ACAT2: variants seen among roughly 807,000 people sequenced by gnomAD.
ACAT2 encodes acetyl-CoA acetyltransferase 2.
A neutral mutation model predicts 37.1 loss-of-function variants in ACAT2; 26 were observed. That is an observed-to-expected ratio of 0.70 (90% CI 0.51 to 0.97). The LOEUF is 0.97. Among genes scored for constraint, ACAT2 ranks in the 50% least tolerant of loss-of-function variants. The pLI, the probability that ACAT2 is intolerant of heterozygous loss-of-function variation, is 0.00. For missense variants in ACAT2, 468 were observed against 489.0 expected (o/e 0.96, Z 0.40); for synonymous variants, 156 against 163.6 (o/e 0.95, Z 0.35).
At chr6:159,762,766 T>C (rs774807448) in intron 1 of ACAT2, 153 bp from the exon 2 acceptor site, 2 of 1,586,792 alleles carry the variant, frequency 1.3e-6, no homozygotes, top group Non-Finnish European at 1.7e-6. Flanking sequence ...TGACCTTTGC[T>C]CAGACCAGCA....
chr6:159,768,127 C>T (rs1327295694), intron 3 of ACAT2, among the ~76,000 whole-genome samples: 1 of 152,190 alleles, frequency 6.6e-6, no homozygotes, highest in African/African-American at 2.4e-5. Context: ...TCACTGTAGA[C>T]ATTATGTCAT....
At chr6:159,765,687 C>T (rs372762950) in intron 2 of ACAT2, among the ~76,000 whole-genome samples, 8 of 151,566 alleles carry the variant, frequency 5.3e-5, no homozygotes, top group Admixed American at 2.0e-4. Flanking sequence ...CCCCCTCCCC[C>T]GGCCTCCCAA....
At chr6:159,767,791 A>G (rs1780278335) in intron 3 of ACAT2, among the ~76,000 whole-genome samples, 3 of 152,218 alleles carry the variant, frequency 2.0e-5, no homozygotes, top group South Asian at 2.1e-4. Flanking sequence ...CAGCCCAGCC[A>G]TTGCTGAGGT....
At chr6:159,770,645 C>CT (rs1480740378) in intron 4 of ACAT2, among the ~76,000 whole-genome samples, 1 of 149,702 alleles carries the variant, frequency 6.7e-6, no homozygotes, top group Non-Finnish European at 1.5e-5. Flanking sequence ...GACCTCATCT[C>CT]TAAAAAAAAA....
intron 4 of ACAT2, among the ~76,000 whole-genome samples, chr6:159,770,572 G>A (rs538792797): frequency 6.6e-6 from 1 of 152,238 alleles, no homozygotes; most frequent in South Asian, 2.1e-4. Context: ...AGCACCTTGG[G>A]AGGCTGAGGT....
intron 2 of ACAT2, 93 bp downstream of exon 2, chr6:159,763,146 TCTCA>T (rs1208563975): frequency 1.1e-5 from 17 of 1,483,436 alleles, no homozygotes; most frequent in East Asian, 2.3e-5. Context: ...TCACACACTC[TCTCA>T]CTCACTCAAG....
intron 8 of ACAT2, 144 bp downstream of exon 8, chr6:159,778,424 T>TAAAAAAAAAAAAAAAAAAAAAAAAAAAA (rs1162214335): frequency 1.6e-5 from 1 of 62,912 alleles, no homozygotes; most frequent in African/African-American, 8.7e-5. Context: ...TCCCAAGGTT[T>TAAAAAAAAAAAAAAAAAAAAAAAAAAAA]AAAAAAAAAA....
intron 2 of ACAT2, among the ~76,000 whole-genome samples, chr6:159,764,620 AT>A (rs1275988083): frequency 6.6e-6 from 1 of 151,834 alleles, no homozygotes; most frequent in African/African-American, 2.4e-5. Context: ...AATTTTTTAA[AT>A]TTTTTTGTAG....
At chr6:159,778,091 AT>A in intron 7 of ACAT2, 78 bp from the exon 8 acceptor site, 1 of 926,710 alleles carries the variant, frequency 1.1e-6, no homozygotes, top group South Asian at 1.5e-5. Flanking sequence ...TGCAGCATAT[AT>A]TTATGTTGAC....
intron 1 of ACAT2, 168 bp from the exon 2 acceptor site, chr6:159,762,751 C>A: frequency 6.4e-7 from 1 of 1,573,840 alleles, no homozygotes; most frequent in South Asian, 1.1e-5. Context: ...TTGTGGCACC[C>A]ACCTTGACCT....
At position 159,776,257 on chromosome 6, in the gene ACAT2, C is replaced by T. The variant is rs1245128932; in HGVS notation, c.742C>T (p.Pro248Ser). ...TACTGATGGAACGGGAACAGTCACC[C>T]CAGCCAATGCTTCAGGTTAGATTTT... ...FLTDGTGTVT[P>S]ANASGINDGA... Residue 248 changes from proline (P) to serine (S), a missense_variant, in exon 6 of 9, where the codon CCA (proline) becomes TCA (serine). Pro to Ser is a moderately conservative substitution (Grantham distance 74). Transcript: ENST00000367048. The T allele has an allele frequency of 6.2e-7, 1 of 1,614,090 alleles. No homozygotes were observed. Among genetic ancestry groups the T allele is most frequent in the Non-Finnish European group, 8.5e-7 (1 of 1,179,982 alleles).
chr6:159,766,720 A>G (rs745551159), intron 2 of ACAT2, among the ~76,000 whole-genome samples: 1 of 152,210 alleles, frequency 6.6e-6, no homozygotes, highest in Non-Finnish European at 1.5e-5. Context: ...ATATCAAAAG[A>G]TGAGGATGAC....
chr6:159,762,458 C>T (rs1057421546), intron 1 of ACAT2: 2 of 1,337,066 alleles, frequency 1.5e-6, no homozygotes, highest in Non-Finnish European at 1.9e-6. Context: ...CCCTGATTGG[C>T]CGGCTCCGGG....
chr6:159,767,717 C>T (rs1399669600), intron 3 of ACAT2, among the ~76,000 whole-genome samples: 2 of 152,176 alleles, frequency 1.3e-5, no homozygotes, highest in African/African-American at 4.8e-5. Flanking sequence ...AAAAACTATA[C>T]CCCCTGCTTC....
intron 4 of ACAT2, among the ~76,000 whole-genome samples, chr6:159,774,285 G>A (rs140245402): frequency 1.5e-3 from 225 of 152,318 alleles, no homozygotes; most frequent in African/African-American, 5.1e-3. Flanking sequence ...ATAGTCTGAA[G>A]AACTGTTACA....
chr6:159,762,344 T>A (rs1453962650), intron 1 of ACAT2: 12 of 1,238,616 alleles, frequency 9.7e-6, no homozygotes, highest in Non-Finnish European at 1.3e-5. Flanking sequence ...CCTCTCCCGA[T>A]GTGCGCACTC....
chr6:159,763,631 T>C (rs1387119933), intron 2 of ACAT2, among the ~76,000 whole-genome samples: 1 of 48,772 alleles, frequency 2.1e-5, no homozygotes, highest in African/African-American at 6.5e-5. Context: ...TTCTTTTCCT[T>C]TTTTTTTTTT....
Position 159,767,154 on chromosome 6 carries a change from G to A in ACAT2, c.340G>A (p.Val114Met). ...AATAGGGATAGGAGACTCCAGCATT[G>A]TGGTTGCAGGAGGCATGGAAAATAT... is the stretch of plus-strand genomic sequence containing the variant. ...QSIGIGDSSIVVAGGMENMSK... is the reference protein window; with the variant it reads ...QSIGIGDSSIMVAGGMENMSK... The change falls in exon 3 of 9, where the codon GTG becomes ATG. Residue 114 changes from valine (V) to methionine (M), a missense_variant. Physicochemically the swap from Val to Met is conservative, Grantham distance 21. Coordinates refer to ENST00000367048, the MANE Select transcript of ACAT2 (RefSeq NM_005891.3). The A allele has an allele frequency of 6.2e-7, 1 of 1,614,230 alleles. No homozygotes were observed. Among genetic ancestry groups the A allele is most frequent in the Non-Finnish European group, 8.5e-7 (1 of 1,180,042 alleles).
chr6:159,769,511 A>C (rs1780303924), intron 4 of ACAT2, among the ~76,000 whole-genome samples: 2 of 152,376 alleles, frequency 1.3e-5, no homozygotes, highest in South Asian at 4.1e-4. Context: ...TCTTTAGAAA[A>C]AAAGAAAAGA....
Sources: gnomAD v4.1 joint callset for allele counts (sites outside exome capture counted in the v4.1 genomes callset) on GRCh38, gnomAD v4.1.1 for gene constraint, MANE v1.5 for transcripts, NCBI Gene and HGNC (gene_info 2026-07-23, HGNC 2026-07-21) for gene names.